The following CNTNAP5 variants were observed in gnomAD, a reference collection of about 807,000 sequenced individuals.
The protein encoded by CNTNAP5 is contactin associated protein family member 5, also known as contactin-associated protein-like 5.
Under a neutral mutation model 150.2 loss-of-function variants are expected in CNTNAP5, and 72 were observed. The observed-to-expected ratio is 0.48, with a 90% CI of 0.40 to 0.58. The LOEUF (loss-of-function observed/expected upper bound fraction) is 0.58, where lower values mean the gene tolerates loss of function less well. Ranked by LOEUF, CNTNAP5 falls within the 20% of genes least tolerant of loss-of-function variation. CNTNAP5 has a pLI of 0.00. For missense variants in CNTNAP5, 1,636 were observed against 1,626.2 expected, an observed-to-expected ratio of 1.01 and a Z score of -0.10; for synonymous variants, 672 against 619.8, an observed-to-expected ratio of 1.08 and a Z score of -1.25.
chr2:124,148,520 ATATACATATTAT>A (rs1684314453), intron 1 of CNTNAP5, among the ~76,000 whole-genome samples: 2 of 146,686 alleles, frequency 1.4e-5, no homozygotes, highest in Non-Finnish European at 3.0e-5. Flanking sequence ...TATATATAAT[ATATACATATTAT>A]ATATATACAT....
intron 1 of CNTNAP5, among the ~76,000 whole-genome samples, chr2:124,055,347 C>T (rs1681817416): frequency 6.6e-6 from 1 of 152,116 alleles, no homozygotes; most frequent in South Asian, 2.1e-4. Flanking sequence ...GATCCCTGTC[C>T]TCCTCCTCAT....
intron 14 of CNTNAP5, among the ~76,000 whole-genome samples, chr2:124,750,959 A>C (rs541614087): frequency 7.3e-6 from 1 of 137,142 alleles, no homozygotes; most frequent in East Asian, 2.3e-4. Flanking sequence ...ACTCCAGCCT[A>C]GTGACAGATT....
chr2:124,057,757 G>A (rs1681895832), intron 1 of CNTNAP5, among the ~76,000 whole-genome samples: 1 of 151,952 alleles, frequency 6.6e-6, no homozygotes, highest in Admixed American at 6.5e-5. Context: ...AACAGAGGCT[G>A]GGAAGGTAAT....
chr2:124,529,168 T>C (rs1441831674), intron 10 of CNTNAP5, among the ~76,000 whole-genome samples: 1 of 151,772 alleles, frequency 6.6e-6, no homozygotes, highest in East Asian at 1.9e-4. Context: ...CAGGCGATGG[T>C]TGGCAACTAT....
At chr2:124,407,776 A>G (rs1447513666) in intron 3 of CNTNAP5, among the ~76,000 whole-genome samples, 2 of 152,156 alleles carry the variant, frequency 1.3e-5, no homozygotes, top group African/African-American at 4.8e-5. Context: ...ATGAGTTGCA[A>G]TCTTCCCTAC....
At chr2:124,032,222 T>G (rs777202461) in intron 1 of CNTNAP5, among the ~76,000 whole-genome samples, 11 of 152,154 alleles carry the variant, frequency 7.2e-5, no homozygotes, top group Non-Finnish European at 1.2e-4. Context: ...GTATGCTCTT[T>G]GAGGAAAAAC....
At position 124,382,669 on chromosome 2, in the gene CNTNAP5, G is replaced by A. The variant is rs1018199636; in HGVS notation, c.382-34774G>A. On this transcript the variant is annotated intron_variant, in intron 3 of 23. Transcript: ENST00000682447. ...ATTGGGATAATGACACCTACTAGAA[G>A]AGAGATTATTTGCAAGAACTAAATA... 2.6e-5 allele frequency among the ~76,000 whole-genome samples: 4 copies of A among 152,094 alleles called. No individual in the cohort carries two copies. The South Asian group carries it at 8.3e-4, about 32-fold the overall frequency.
intron 21 of CNTNAP5, among the ~76,000 whole-genome samples, chr2:124,887,124 A>C (rs182890955): frequency 6.6e-6 from 1 of 151,998 alleles, no homozygotes; most frequent in Non-Finnish European, 1.5e-5. Context: ...AGAAATTCCT[A>C]ATTTATAGTA....
chr2:124,552,329 G>A (rs1042180217), intron 10 of CNTNAP5, among the ~76,000 whole-genome samples: 17 of 152,128 alleles, frequency 1.1e-4, no homozygotes, highest in Admixed American at 2.0e-4. Context: ...TACACCCCTC[G>A]TGAGTACTAT....
At chr2:124,603,281 T>C (rs1470846704) in intron 11 of CNTNAP5, among the ~76,000 whole-genome samples, 1 of 152,168 alleles carries the variant, frequency 6.6e-6, no homozygotes, top group African/African-American at 2.4e-5. Flanking sequence ...TTTCTGTAAA[T>C]TGGTGTTTAG....
chr2:124,485,612 C>CA (rs576700912), intron 7 of CNTNAP5, among the ~76,000 whole-genome samples: 3,237 of 52,108 alleles, frequency 0.062, 155 homozygotes, highest in Middle Eastern at 0.14. Context: ...GACTCTGTCT[C>CA]AAAAAAAAAA....
chr2:124,048,652 T>C (rs981820840), intron 1 of CNTNAP5, among the ~76,000 whole-genome samples: 1 of 152,170 alleles, frequency 6.6e-6, no homozygotes, highest in Non-Finnish European at 1.5e-5. Context: ...GATTAATGAG[T>C]ATCTTTTTTG....
chr2:124,821,277 T>A (rs1049702134), intron 19 of CNTNAP5, among the ~76,000 whole-genome samples: 1 of 152,188 alleles, frequency 6.6e-6, no homozygotes, highest in Non-Finnish European at 1.5e-5. Flanking sequence ...TCTCAGGTTA[T>A]GTAATTTCCA....
At chr2:124,111,401 G>T (rs1289812987) in intron 1 of CNTNAP5, among the ~76,000 whole-genome samples, 3 of 152,108 alleles carry the variant, frequency 2.0e-5, no homozygotes, top group African/African-American at 2.4e-5. Flanking sequence ...TGGGTGGGTT[G>T]TTTCATACAT....
intron 1 of CNTNAP5, among the ~76,000 whole-genome samples, chr2:124,139,736 T>G (rs1165776127): frequency 6.6e-6 from 1 of 152,170 alleles, no homozygotes; most frequent in Non-Finnish European, 1.5e-5. Context: ...CGATCATTGT[T>G]ATTAATTATA....
chr2:124,335,747 C>A (rs971310414), intron 3 of CNTNAP5, among the ~76,000 whole-genome samples: 2 of 151,810 alleles, frequency 1.3e-5, no homozygotes, highest in Non-Finnish European at 2.9e-5. Flanking sequence ...AGGTCTCTTA[C>A]CTTTTTGCCA....
intron 13 of CNTNAP5, among the ~76,000 whole-genome samples, chr2:124,712,488 T>C (rs1230003329): frequency 1.3e-5 from 2 of 152,180 alleles, no homozygotes; most frequent in East Asian, 3.9e-4. Flanking sequence ...CTAACATGGG[T>C]TTTATTAGCA....
intron 1 of CNTNAP5, among the ~76,000 whole-genome samples, chr2:124,207,416 C>T (rs1461273269): frequency 6.6e-6 from 1 of 152,174 alleles, no homozygotes. Context: ...AAACCAACTC[C>T]TTGTCAGACC....
chr2:124,689,289 C>A (rs2105077305), intron 13 of CNTNAP5, among the ~76,000 whole-genome samples: 1 of 152,156 alleles, frequency 6.6e-6, no homozygotes, highest in East Asian at 1.9e-4. Context: ...ACAAATTAAC[C>A]ATTATCGGGA....
Sources: gnomAD v4.1 joint callset for allele counts (sites outside exome capture counted in the v4.1 genomes callset) on GRCh38, gnomAD v4.1.1 for gene constraint, MANE v1.5 for transcripts, NCBI Gene and HGNC (gene_info 2026-07-23, HGNC 2026-07-21) for gene names.